Variants in ARFGEF3 observed in about 807,000 individuals in gnomAD.
ARFGEF3 encodes the protein ARFGEF family member 3, also known as brefeldin A-inhibited guanine nucleotide-exchange protein 3.
In ARFGEF3, 96 loss-of-function variants were observed where a neutral mutation model predicts 221.7. That is an observed-to-expected ratio of 0.43 (90% CI 0.37 to 0.51). ARFGEF3 has a LOEUF of 0.51. Ranked by LOEUF, ARFGEF3 falls within the 20% of genes least tolerant of loss-of-function variation. The pLI, the probability that ARFGEF3 is intolerant of heterozygous loss-of-function variation, is 0.00. For missense variants in ARFGEF3, 2,410 were observed against 2,789.9 expected (o/e 0.86, Z 3.07); for synonymous variants, 1,145 against 1,126.8 (o/e 1.02, Z -0.32).
chr6:138,333,118 A>G (rs577944920), intron 32 of ARFGEF3, among the ~76,000 whole-genome samples: 2 of 152,244 alleles, frequency 1.3e-5, no homozygotes, highest in African/African-American at 2.4e-5. Context: ...TCATAAAATT[A>G]TAAGAGCAGT....
At chr6:138,330,802 A>G (rs1780215142) in intron 32 of ARFGEF3, among the ~76,000 whole-genome samples, 1 of 152,240 alleles carries the variant, frequency 6.6e-6, no homozygotes, top group South Asian at 2.1e-4. Flanking sequence ...AAAATGTGGA[A>G]TGTTCAAAAG....
chr6:138,165,197 T>C (rs1331638819), intron 1 of ARFGEF3, among the ~76,000 whole-genome samples: 1 of 143,636 alleles, frequency 7.0e-6, no homozygotes, highest in Non-Finnish European at 1.5e-5. Context: ...TCTGAGACCA[T>C]TGTGCGAGAC....
chr6:138,264,469 G>A (rs1275087448), intron 12 of ARFGEF3, among the ~76,000 whole-genome samples: 1 of 152,140 alleles, frequency 6.6e-6, no homozygotes, highest in East Asian at 1.9e-4. Context: ...ACAGAATACT[G>A]GGGCAAATGA....
Position 138,207,142 on chromosome 6 carries a change from G to T in ARFGEF3, c.219+19G>T. The T allele has an allele frequency of 6.3e-7, 1 of 1,592,024 alleles. No individual in the cohort carries two copies. Among genetic ancestry groups the T allele is most frequent in the Non-Finnish European group, 8.6e-7 (1 of 1,164,038 alleles). Reference sequence around the variant, plus strand: ...GATGCAGGTATGGCTTTGACTGAATGCAATGGGATGATAGAAATTGACAGG... The same window carrying T: ...GATGCAGGTATGGCTTTGACTGAATTCAATGGGATGATAGAAATTGACAGG... On this transcript the variant is annotated intron_variant, in intron 3 of 33. Transcript: ENST00000251691.
chr6:138,163,865 G>A (rs1209406445), intron 1 of ARFGEF3, among the ~76,000 whole-genome samples: 1 of 152,166 alleles, frequency 6.6e-6, no homozygotes, highest in East Asian at 1.9e-4. Context: ...CAGTTGGATT[G>A]GGCAAACCAG....
In ARFGEF3 at chr6:138,324,230, C is replaced by T. The variant is rs1273740611; in HGVS notation, c.5001+76C>T. 1.9e-5 allele frequency: 29 copies of T among 1,523,886 alleles called. No individual in the cohort carries two copies. The Admixed American group carries it at 4.5e-4, about 23-fold the overall frequency. The allele number at this position is 1,523,886 out of a possible 1,614,324, so 94.4% of individuals were successfully genotyped here. On this transcript the variant is annotated intron_variant, in intron 31 of 33. Transcript: ENST00000251691. ...GTTGGGAGACCTTCCTTGAAGGTCTCGCATCACCAAATTGCCTTTCATTCC... is the reference window on the plus strand; with the variant it reads ...GTTGGGAGACCTTCCTTGAAGGTCTTGCATCACCAAATTGCCTTTCATTCC...
At position 138,319,725 on chromosome 6, in the gene ARFGEF3, A is replaced by G. The variant is rs1779988750; in HGVS notation, c.4497A>G (p.Ala1499=). ...CAGGACCAGGGTTTGGTATCTATGC[A>G]GTGGTTCACCTCCTCCTTCCTGTGA... ...KTPGPGFGIY[A]VVHLLLPVMS... The change falls in exon 28 of 34, where the codon GCA becomes GCG. Residue 1499 remains alanine (A), a synonymous_variant. Coordinates refer to ENST00000251691, the MANE Select transcript of ARFGEF3 (RefSeq NM_020340.5). 6.2e-7 allele frequency: 1 copy of G among 1,611,128 alleles called. No homozygotes were observed. Among genetic ancestry groups the G allele is most frequent in the East Asian group, 2.2e-5 (1 of 44,838 alleles).
chr6:138,261,339 C>T (rs547018523), intron 10 of ARFGEF3, among the ~76,000 whole-genome samples, 188 bp from the exon 11 acceptor site: 2 of 152,206 alleles, frequency 1.3e-5, no homozygotes, highest in Non-Finnish European at 2.9e-5. Flanking sequence ...GAGCCTGATA[C>T]ACACCATATG....
chr6:138,197,071 G>A (rs1205503895), intron 2 of ARFGEF3, among the ~76,000 whole-genome samples: 2 of 152,162 alleles, frequency 1.3e-5, no homozygotes, highest in Non-Finnish European at 2.9e-5. Flanking sequence ...GACCTCAGGT[G>A]ATCCACCTGC....
chr6:138,183,429 T>A (rs1777119395), intron 2 of ARFGEF3, among the ~76,000 whole-genome samples: 1 of 152,212 alleles, frequency 6.6e-6, no homozygotes, highest in Non-Finnish European at 1.5e-5. Flanking sequence ...AGAGGATGTT[T>A]TTATGAATGT....
chr6:138,298,512 C>G (rs1446203921), intron 21 of ARFGEF3, 94 bp from the exon 22 acceptor site: 2 of 928,384 alleles, frequency 2.2e-6, no homozygotes, highest in Non-Finnish European at 3.2e-6. Context: ...GCTGCTTCCA[C>G]CTCCTTGTAA....
chr6:138,224,199 A>T (rs925732715), intron 4 of ARFGEF3, among the ~76,000 whole-genome samples: 3 of 152,240 alleles, frequency 2.0e-5, no homozygotes, highest in African/African-American at 7.2e-5. Context: ...ACAAGTTACC[A>T]TTTATGATGG....
intron 4 of ARFGEF3, among the ~76,000 whole-genome samples, chr6:138,223,619 CT>C (rs1477686030): frequency 6.6e-6 from 1 of 152,104 alleles, no homozygotes; most frequent in Non-Finnish European, 1.5e-5. Flanking sequence ...AAAATAATTT[CT>C]TGTTCATTCA....
intron 14 of ARFGEF3, among the ~76,000 whole-genome samples, chr6:138,280,917 A>C (rs2114619937): frequency 6.6e-6 from 1 of 152,238 alleles, no homozygotes; most frequent in Non-Finnish European, 1.5e-5. Context: ...TCCCAGCTGT[A>C]CCAGAATTAA....
At position 138,319,855 on chromosome 6, in the gene ARFGEF3, C is replaced by T. The variant is rs1391201400; in HGVS notation, c.4627C>T (p.His1543Tyr). 1 of 1,613,922 alleles carries T rather than the reference C, an allele frequency of 6.2e-7. No homozygotes were observed. The highest frequency in any genetic ancestry group is 8.5e-7 in the Non-Finnish European group (1 of 1,179,858). Residue 1543 changes from histidine (H) to tyrosine (Y), a missense_variant, in exon 28 of 34, where the codon CAC (histidine) becomes TAC (tyrosine). Around this residue, in one of 5 missense-constraint regions of ARFGEF3, gnomAD observed 723 missense variants for 991.9 expected, o/e 0.73. Transcript: ENST00000251691. ...IGLSCELVVEHIQSFLHSDIR... is the reference protein window; with the variant it reads ...IGLSCELVVEYIQSFLHSDIR... ...TCTGTCCTGTGAGCTGGTGGTGGAG[C>T]ACATTCAAAGCTTTCTACATTCAGG...
chr6:138,293,173 A>C (rs968616761), intron 19 of ARFGEF3, among the ~76,000 whole-genome samples: 1 of 152,230 alleles, frequency 6.6e-6, no homozygotes, highest in Non-Finnish European at 1.5e-5. Context: ...GTGCCCCCAC[A>C]GCACTGTTTG....
chr6:138,248,059 G>A (rs149472395), intron 8 of ARFGEF3, among the ~76,000 whole-genome samples: 5 of 152,270 alleles, frequency 3.3e-5, no homozygotes, highest in East Asian at 1.9e-4. Context: ...GAAAGTAGGC[G>A]CAATTCTAGC....
At chr6:138,215,284 A>G (rs1377676142) in intron 4 of ARFGEF3, among the ~76,000 whole-genome samples, 1 of 152,178 alleles carries the variant, frequency 6.6e-6, no homozygotes, top group Non-Finnish European at 1.5e-5. Context: ...CTCTGTAAGC[A>G]TGTGGGAGAT....
intron 12 of ARFGEF3, among the ~76,000 whole-genome samples, chr6:138,269,384 C>A (rs746569631): frequency 3.3e-5 from 5 of 152,228 alleles, no homozygotes; most frequent in Non-Finnish European, 5.9e-5. Flanking sequence ...CAAAAGATGG[C>A]AAATACAAGT....
Sources: allele counts gnomAD v4.1 joint callset (sites outside exome capture counted in the v4.1 genomes callset), GRCh38; gene constraint gnomAD v4.1.1; regional missense constraint gnomAD v4.1.1; transcripts MANE v1.5; gene names NCBI Gene and HGNC (gene_info 2026-07-23, HGNC 2026-07-21).